ADAMTSL1: variants seen among roughly 807,000 people sequenced by gnomAD.
The protein encoded by ADAMTSL1 is ADAMTS-like protein 1.
In ADAMTSL1, 126 loss-of-function variants were observed where a neutral mutation model predicts 201.8. That is an observed-to-expected ratio of 0.62 (90% CI 0.54 to 0.72). The LOEUF (loss-of-function observed/expected upper bound fraction) is 0.72. Among genes scored for constraint, ADAMTSL1 ranks in the 30% least tolerant of loss-of-function variants. ADAMTSL1 has a pLI of 0.00. For synonymous variants in ADAMTSL1, 1,121 were observed against 903.4 expected (o/e 1.24, Z -4.32); for missense variants, 2,679 against 2,277.8 (o/e 1.18, Z -3.59).
chr9:17,915,014 A>G (rs913874187), intron 1 of ADAMTSL1, among the ~76,000 whole-genome samples: 2 of 152,170 alleles, frequency 1.3e-5, no homozygotes, highest in Non-Finnish European at 2.9e-5. Context: ...ATTGTTAAAA[A>G]TGCTACTAAG....
chr9:18,395,565 G>A (rs1212248677), intron 2 of ADAMTSL1, among the ~76,000 whole-genome samples: 6 of 152,118 alleles, frequency 3.9e-5, no homozygotes, highest in Non-Finnish European at 7.3e-5. Context: ...GTATTTATCT[G>A]GCAAAATTCA....
At chr9:18,459,111 C>G (rs1301967285) in intron 2 of ADAMTSL1, among the ~76,000 whole-genome samples, 1 of 152,164 alleles carries the variant, frequency 6.6e-6, no homozygotes, top group Non-Finnish European at 1.5e-5. Context: ...GCCCTATACT[C>G]AAAATCCACA....
intron 2 of ADAMTSL1, among the ~76,000 whole-genome samples, chr9:18,303,328 C>G (rs1833776341): frequency 6.6e-6 from 1 of 152,190 alleles, no homozygotes; most frequent in Non-Finnish European, 1.5e-5. Context: ...CTTTGATCCT[C>G]CCAGGAGGCA....
intron 2 of ADAMTSL1, among the ~76,000 whole-genome samples, chr9:18,520,642 GA>G (rs1226609668): frequency 2.6e-5 from 4 of 152,158 alleles, no homozygotes; most frequent in Non-Finnish European, 5.9e-5. Context: ...GGCACACTGG[GA>G]TGAGCTAACA....
chr9:18,282,219 C>G (rs1832818044), intron 2 of ADAMTSL1, among the ~76,000 whole-genome samples: 1 of 152,182 alleles, frequency 6.6e-6, no homozygotes, highest in Non-Finnish European at 1.5e-5. Flanking sequence ...CCTGATCCAT[C>G]CGTGTTGCTG....
chr9:18,539,147 C>G (rs2132143505), intron 3 of ADAMTSL1, among the ~76,000 whole-genome samples: 1 of 152,196 alleles, frequency 6.6e-6, no homozygotes, highest in Admixed American at 6.5e-5. Flanking sequence ...CTTGCCAGGG[C>G]CATTTATTTT....
intron 1 of ADAMTSL1, among the ~76,000 whole-genome samples, chr9:18,034,465 T>C (rs1341598977): frequency 2.6e-5 from 4 of 152,214 alleles, no homozygotes; most frequent in African/African-American, 7.2e-5. Context: ...GAAATATCCA[T>C]TGTGTTTTTC....
chr9:18,145,241 T>G (rs903570667), intron 1 of ADAMTSL1, among the ~76,000 whole-genome samples: 1 of 152,230 alleles, frequency 6.6e-6, no homozygotes, highest in African/African-American at 2.4e-5. Context: ...TTGAGCGTTC[T>G]TAAGCAATAC....
chr9:18,413,467 G>A (rs1041983491), intron 2 of ADAMTSL1, among the ~76,000 whole-genome samples: 10 of 152,108 alleles, frequency 6.6e-5, no homozygotes, highest in African/African-American at 2.2e-4. Context: ...GCCCGGCCAG[G>A]ATAATGTTTT....
Position 18,143,578 on chromosome 9 carries a change from T to C in ADAMTSL1, c.88-20284T>C, listed in dbSNP as rs943690781. Reference sequence around the variant, plus strand: ...GGCATCCTCCCTTGTCAGAACCCCATGGGTCAAGTGTAGGCGTGTGCATGC... The same window carrying C: ...GGCATCCTCCCTTGTCAGAACCCCACGGGTCAAGTGTAGGCGTGTGCATGC... On this transcript the variant is annotated intron_variant, in intron 1 of 29. Coordinates refer to the ADAMTSL1 transcript ENST00000680146. Among the ~76,000 whole-genome samples the C allele has an allele frequency of 6.6e-5, 10 of 152,080 alleles. 1 individual carries two copies. Among genetic ancestry groups the C allele is most frequent in the African/African-American group, 4.8e-5 (2 of 41,428 alleles).
chr9:18,219,650 G>A (rs1830183512), intron 2 of ADAMTSL1, among the ~76,000 whole-genome samples: 1 of 152,102 alleles, frequency 6.6e-6, no homozygotes. Flanking sequence ...GAGCCACTGT[G>A]CCCAGCCTAT....
intron 23 of ADAMTSL1, among the ~76,000 whole-genome samples, chr9:18,872,129 C>T (rs1233221660): frequency 6.6e-6 from 1 of 151,404 alleles, no homozygotes; most frequent in East Asian, 1.9e-4. Context: ...TATATCCCTG[C>T]TCTCTGCCTG....
intron 1 of ADAMTSL1, among the ~76,000 whole-genome samples, chr9:18,109,854 C>T (rs1006241675): frequency 1.3e-5 from 2 of 152,194 alleles, no homozygotes; most frequent in African/African-American, 2.4e-5. Context: ...CCTACTGCCA[C>T]TTTCCCCTGC....
At position 18,066,518 on chromosome 9, in the gene ADAMTSL1, T is replaced by A. The variant is rs369155108; in HGVS notation, c.88-97344T>A. 1.6e-3 allele frequency among the ~76,000 whole-genome samples: 243 copies of A among 152,364 alleles called. 7 individuals are homozygous for A. In the South Asian group the frequency reaches 0.05, roughly 31 times the overall value. On this transcript the variant is annotated intron_variant, in intron 1 of 29. Coordinates refer to the ADAMTSL1 transcript ENST00000680146. ...TGTACCTATATATACAGAAAGCAAGTGATTATTAGATGACTAGCTCTTTAC... is the reference window on the plus strand; with the variant it reads ...TGTACCTATATATACAGAAAGCAAGAGATTATTAGATGACTAGCTCTTTAC...
intron 13 of ADAMTSL1, among the ~76,000 whole-genome samples, chr9:18,703,349 C>T (rs956003044): frequency 3.3e-5 from 5 of 152,158 alleles, no homozygotes; most frequent in Middle Eastern, 3.4e-3. Context: ...TGGGGAAAAG[C>T]CTCCTATGAA....
intron 2 of ADAMTSL1, among the ~76,000 whole-genome samples, chr9:18,296,303 T>C (rs1188698773): frequency 2.6e-5 from 4 of 152,204 alleles, no homozygotes; most frequent in Non-Finnish European, 5.9e-5. Flanking sequence ...GATTAGATTC[T>C]GCCTCAAATT....
At chr9:18,744,690 A>C (rs1819032730) in intron 15 of ADAMTSL1, among the ~76,000 whole-genome samples, 1 of 152,194 alleles carries the variant, frequency 6.6e-6, no homozygotes, top group Admixed American at 6.5e-5. Flanking sequence ...ATATGAGTGA[A>C]TTGTTAAGTA....
chr9:18,468,996 C>G (rs970071696), intron 2 of ADAMTSL1, among the ~76,000 whole-genome samples: 1 of 152,124 alleles, frequency 6.6e-6, no homozygotes, highest in East Asian at 1.9e-4. Flanking sequence ...ATATTTTTTG[C>G]CCATTACACA....
chr9:18,867,372 G>C (rs1827599316), intron 23 of ADAMTSL1, among the ~76,000 whole-genome samples: 1 of 152,224 alleles, frequency 6.6e-6, no homozygotes, highest in Admixed American at 6.5e-5. Flanking sequence ...CTAGAAAATA[G>C]AGCTGAATAG....
Sources: gnomAD v4.1 joint callset for allele counts (sites outside exome capture counted in the v4.1 genomes callset) on GRCh38, gnomAD v4.1.1 for gene constraint, MANE v1.5 for transcripts, NCBI Gene and HGNC (gene_info 2026-07-23, HGNC 2026-07-21) for gene names.